Variants in ARHGEF26 observed in about 807,000 individuals in gnomAD.
ARHGEF26 encodes the protein Rho guanine nucleotide exchange factor (GEF) 26.
In ARHGEF26, 59 loss-of-function variants were observed where a neutral mutation model predicts 89.4. The ratio of observed to expected loss-of-function variants is 0.66; its 90% CI spans 0.54 to 0.82. ARHGEF26 has a LOEUF of 0.82. Among genes scored for constraint, ARHGEF26 ranks in the 40% least tolerant of loss-of-function variants. The pLI is 0.00. For synonymous variants in ARHGEF26, 500 were observed against 428.4 expected (o/e 1.17, Z -2.06); for missense variants, 1,234 against 1,085.6 (o/e 1.14, Z -1.92).
chr3:154,152,965 C>T, intron 6 of ARHGEF26, 33 bp downstream of exon 6: 1 of 1,480,234 alleles, frequency 6.8e-7, no homozygotes, highest in Non-Finnish European at 9.0e-7. Context: ...TTGGTCGTGC[C>T]AAGAAGTTGC....
intron 4 of ARHGEF26, among the ~76,000 whole-genome samples, chr3:154,132,394 T>C (rs1718734987): frequency 6.6e-6 from 1 of 152,154 alleles, no homozygotes; most frequent in African/African-American, 2.4e-5. Context: ...ATAACCACTA[T>C]CCCTGACGTT....
intron 11 of ARHGEF26, among the ~76,000 whole-genome samples, chr3:154,229,721 C>T (rs934682274): frequency 6.6e-6 from 1 of 152,112 alleles, no homozygotes; most frequent in Admixed American, 6.6e-5. Flanking sequence ...TGTCTCTGGA[C>T]GTTTTTGCCT....
At chr3:154,222,979 T>C (rs1413469841) in intron 10 of ARHGEF26, among the ~76,000 whole-genome samples, 4 of 152,170 alleles carry the variant, frequency 2.6e-5, no homozygotes, top group African/African-American at 9.7e-5. Context: ...ACCAAGAAGA[T>C]CGAAAACCAG....
At chr3:154,212,903 A>G (rs572683430) in intron 9 of ARHGEF26, among the ~76,000 whole-genome samples, 37 of 152,258 alleles carry the variant, frequency 2.4e-4, no homozygotes, top group African/African-American at 8.9e-4. Context: ...TTCATTTAAC[A>G]TTCTAAGTTG....
At chr3:154,194,605 A>C in intron 8 of ARHGEF26, 39 bp from the exon 9 acceptor site, 1 of 1,441,716 alleles carries the variant, frequency 6.9e-7, no homozygotes, top group Non-Finnish European at 9.6e-7. Context: ...ACTTAATAAA[A>C]TAGATCAATA....
Position 154,196,071 on chromosome 3 carries a change from G to T in ARHGEF26, c.1845+1353G>T, listed in dbSNP as rs1271150798. On this transcript the variant is annotated intron_variant, in intron 9 of 14. Coordinates refer to ENST00000465093, the MANE Select transcript of ARHGEF26 (RefSeq NM_015595.4). ...GGATAATGATTGAAGTTATCCTTAG[G>T]TTTATCATCAGTAGGTTGTATACTG... is the stretch of plus-strand genomic sequence containing the variant. 1.2e-4 allele frequency among the ~76,000 whole-genome samples: 17 copies of T among 143,630 alleles called. 1 individual carries two copies. In the East Asian group the frequency reaches 3.6e-3, roughly 30 times the overall value. 94.2% of individuals were successfully genotyped at this position (143,630 alleles called of 152,430 possible).
chr3:154,191,234 G>C lies in ARHGEF26; in HGVS notation c.1641-55G>C, dbSNP rs1225492197. ...ATTTTGTAATACATTTTTACTTGCTGCTTAATTTGAGGAGGAAATATTTTG... is the reference window on the plus strand; with the variant it reads ...ATTTTGTAATACATTTTTACTTGCTCCTTAATTTGAGGAGGAAATATTTTG... On this transcript the variant is annotated intron_variant, in intron 7 of 14. Coordinates refer to ENST00000465093, the MANE Select transcript of ARHGEF26 (RefSeq NM_015595.4). 3 of 1,537,008 alleles carry C rather than the reference G, an allele frequency of 2.0e-6. No homozygotes were observed. In the African/African-American group the frequency reaches 4.1e-5, roughly 21 times the overall value.
chr3:154,240,982 C>T (rs1342188982), intron 12 of ARHGEF26, among the ~76,000 whole-genome samples: 1 of 152,194 alleles, frequency 6.6e-6, no homozygotes, highest in African/African-American at 2.4e-5. Flanking sequence ...TCTCAGTCAC[C>T]TACCTTCAAC....
intron 13 of ARHGEF26, 27 bp from the exon 14 acceptor site, chr3:154,254,693 A>C (rs1295814544): frequency 1.3e-6 from 2 of 1,584,292 alleles, no homozygotes; most frequent in African/African-American, 2.7e-5. Flanking sequence ...GCTACTGGAA[A>C]CTTAGTATGT....
chr3:154,133,165 C>A (rs907104846), intron 4 of ARHGEF26, among the ~76,000 whole-genome samples: 2 of 152,078 alleles, frequency 1.3e-5, no homozygotes, highest in African/African-American at 4.8e-5. Flanking sequence ...ATGGTTGTTA[C>A]GTAAGATCTT....
chr3:154,207,695 T>A (rs897698865), intron 9 of ARHGEF26, among the ~76,000 whole-genome samples: 1 of 152,216 alleles, frequency 6.6e-6, no homozygotes, highest in Non-Finnish European at 1.5e-5. Flanking sequence ...TGGTGATTCC[T>A]TAAAGACCTA....
chr3:154,154,687 AT>A (rs2108103752), intron 6 of ARHGEF26, among the ~76,000 whole-genome samples: 1 of 151,988 alleles, frequency 6.6e-6, no homozygotes, highest in Admixed American at 6.5e-5. Flanking sequence ...TATTCTACTT[AT>A]TTTTCTCAGC....
chr3:154,125,362 G>A (rs185341829), intron 3 of ARHGEF26, among the ~76,000 whole-genome samples: 5 of 152,140 alleles, frequency 3.3e-5, no homozygotes, highest in East Asian at 3.9e-4. Context: ...TTCATTCACC[G>A]CACCAATCTT....
At chr3:154,239,663 T>C (rs1027871383) in intron 11 of ARHGEF26, among the ~76,000 whole-genome samples, 4 of 151,794 alleles carry the variant, frequency 2.6e-5, no homozygotes, top group African/African-American at 7.3e-5. Context: ...AATGAGGGAA[T>C]TGCATTCCCA....
At chr3:154,187,991 G>A (rs1713697308) in intron 7 of ARHGEF26, among the ~76,000 whole-genome samples, 154 bp downstream of exon 7, 2 of 152,110 alleles carry the variant, frequency 1.3e-5, no homozygotes, top group African/African-American at 4.8e-5. Context: ...TTACTTTTAG[G>A]GTGAGGGTGT....
intron 4 of ARHGEF26, among the ~76,000 whole-genome samples, chr3:154,147,599 T>G (rs1240137533): frequency 6.6e-6 from 1 of 152,158 alleles, no homozygotes; most frequent in African/African-American, 2.4e-5. Context: ...CAAAAATTGG[T>G]AAACTTCAAA....
chr3:154,208,195 A>C (rs572449827), intron 9 of ARHGEF26, among the ~76,000 whole-genome samples: 2 of 152,286 alleles, frequency 1.3e-5, no homozygotes, highest in Admixed American at 6.5e-5. Flanking sequence ...CACCATGGCA[A>C]ATGTTTACCT....
intron 9 of ARHGEF26, among the ~76,000 whole-genome samples, chr3:154,211,865 A>ATGTGTGTG (rs1176488068): frequency 1.0e-4 from 6 of 57,364 alleles, no homozygotes; most frequent in African/African-American, 3.5e-4. Flanking sequence ...GTGTATATAT[A>ATGTGTGTG]TATGTGTGTG....
rs781724116 is a variant in ARHGEF26 at position 154,122,058 on chromosome 3, G to C, written c.66G>C (p.Ser22=). The C allele has an allele frequency of 1.2e-6, 2 of 1,611,830 alleles. No homozygotes were observed. The highest frequency in any genetic ancestry group is 1.7e-6 in the Non-Finnish European group (2 of 1,178,460). The part of the protein sequence containing the change: ...NSITPLWRRR[S]IPQPHQVLGR... ...TAACCCCTTTGTGGCGGAGGCGGTC[G>C]ATTCCTCAGCCCCACCAGGTTCTGG... The change falls in exon 2 of 15, where the codon TCG becomes TCC. Residue 22 remains serine (S), a synonymous_variant. Transcript: ENST00000465093.
Sources: allele counts gnomAD v4.1 joint callset (sites outside exome capture counted in the v4.1 genomes callset), GRCh38; gene constraint gnomAD v4.1.1; transcripts MANE v1.5; gene names NCBI Gene and HGNC (gene_info 2026-07-23, HGNC 2026-07-21).